Variants in CIT observed in about 807,000 individuals in gnomAD.
The protein encoded by CIT is citron Rho-interacting kinase.
Under a neutral mutation model 272.7 loss-of-function variants are expected in CIT, and 79 were observed. That is an observed-to-expected ratio of 0.29 (90% confidence interval 0.24 to 0.35). The LOEUF is 0.35. Among genes scored for constraint, CIT ranks in the 10% least tolerant of loss-of-function variants. CIT has a pLI of 1.00. For missense variants in CIT, 1,909 were observed against 2,618.3 expected (o/e 0.73, Z 5.91); for synonymous variants, 948 against 995.6 (o/e 0.95, Z 0.90).
intron 2 of CIT, among the ~76,000 whole-genome samples, chr12:119,872,433 A>G (rs144340493): frequency 1.3e-5 from 2 of 152,204 alleles, no homozygotes; most frequent in South Asian, 2.1e-4. Context: ...CTGTATCTCA[A>G]CCTCATTCAA....
chr12:119,767,624 C>T (rs1239130217), intron 18 of CIT, among the ~76,000 whole-genome samples: 3 of 152,082 alleles, frequency 2.0e-5, no homozygotes, highest in Non-Finnish European at 4.4e-5. Context: ...AGAATTATTG[C>T]TCAAGAACCC....
Position 119,758,671 on chromosome 12 carries a change from T to A in CIT, c.2451A>T (p.Arg817Ser). 1 of 1,613,436 alleles carries A rather than the reference T, an allele frequency of 6.2e-7. No homozygotes were observed. Among genetic ancestry groups the A allele is most frequent in the Non-Finnish European group, 8.5e-7 (1 of 1,179,362 alleles). The stretch of plus-strand genomic sequence containing the variant: ...GTTCCACAATCCTCTGTTCCAGGGA[T>A]CTGATCTTGGAATCCATAGCATTGA... Reference protein sequence around the residue: ...AMINAMDSKIRSLEQRIVELS... With the variant: ...AMINAMDSKISSLEQRIVELS... The change falls in exon 21 of 48, where the codon AGA becomes AGT. Residue 817 changes from arginine to serine, a missense_variant. By Grantham distance (110) the Arg-to-Ser change is moderately radical (BLOSUM62 -1). This residue lies in a region of CIT where 530 missense variants were observed against 822.4 expected (regional missense o/e 0.64). Coordinates refer to ENST00000392521, the MANE Select transcript of CIT (RefSeq NM_001206999.2).
At chr12:119,780,478 G>T (rs1482593362) in intron 13 of CIT, among the ~76,000 whole-genome samples, 1 of 152,038 alleles carries the variant, frequency 6.6e-6, no homozygotes, top group African/African-American at 2.4e-5. Context: ...TTAGCTGGGT[G>T]TGGCGGCGTG....
chr12:119,741,876 A>G (rs952841045), intron 24 of CIT, among the ~76,000 whole-genome samples: 7 of 152,204 alleles, frequency 4.6e-5, no homozygotes, highest in African/African-American at 1.7e-4. Context: ...TTCTCTCAAT[A>G]TAAATAACAT....
rs117536904 is a variant in CIT at position 119,842,104 on chromosome 12, A to G, written c.517-7876T>C. Among the ~76,000 whole-genome samples the G allele has an allele frequency of 3.1e-3, 466 of 152,106 alleles. 2 individuals carry two copies. Among genetic ancestry groups the G allele is most frequent in the South Asian group, 0.012 (57 of 4,812 alleles). ...CAGCACAAATAATTTAGACAAAACAATACTGGCAGGGCACAGTGACTCACG... is the reference window on the plus strand; with the variant it reads ...CAGCACAAATAATTTAGACAAAACAGTACTGGCAGGGCACAGTGACTCACG... On this transcript the variant is annotated intron_variant, in intron 5 of 47. Coordinates refer to ENST00000392521, the MANE Select transcript of CIT (RefSeq NM_001206999.2).
chr12:119,800,728 C>G (rs1478296583), intron 10 of CIT, among the ~76,000 whole-genome samples: 1 of 152,230 alleles, frequency 6.6e-6, no homozygotes, highest in Non-Finnish European at 1.5e-5. Flanking sequence ...GGAAGAAACA[C>G]AGGGTCGCTG....
intron 5 of CIT, among the ~76,000 whole-genome samples, chr12:119,845,652 CAAAA>C (rs34059849): frequency 1.7e-5 from 1 of 58,906 alleles, no homozygotes; most frequent in Non-Finnish European, 3.6e-5. Context: ...GACTCTGTCT[CAAAA>C]AAAAAAAAAA....
chr12:119,760,378 G>C (rs915098850), intron 20 of CIT, among the ~76,000 whole-genome samples: 1 of 151,684 alleles, frequency 6.6e-6, no homozygotes, highest in Non-Finnish European at 1.5e-5. Context: ...TGTAATCCCA[G>C]CACTTTGAGA....
At position 119,694,528 on chromosome 12, in the gene CIT, G is replaced by A. The variant is rs759069537; in HGVS notation, c.5882+3131C>T. Among the ~76,000 whole-genome samples, 1 of 152,192 alleles carries A rather than the reference G, an allele frequency of 6.6e-6. No homozygotes were observed. The highest frequency in any genetic ancestry group is 1.5e-5 in the Non-Finnish European group (1 of 68,038). ...TGTATTAAAAAGGAGGGGTGGTTGCGTGTAGTGGCTCACACCTGTAATCCC... is the reference window on the plus strand; with the variant it reads ...TGTATTAAAAAGGAGGGGTGGTTGCATGTAGTGGCTCACACCTGTAATCCC... On this transcript the variant is annotated intron_variant, in intron 46 of 47. Coordinates refer to ENST00000392521, the MANE Select transcript of CIT (RefSeq NM_001206999.2). This position sits in a 1 kb window ranked among gnomAD's most constrained non-coding sequence, Gnocchi z 4.5.
intron 4 of CIT, among the ~76,000 whole-genome samples, chr12:119,852,675 TG>T (rs1309213062): frequency 6.6e-6 from 1 of 151,538 alleles, no homozygotes; most frequent in East Asian, 1.9e-4. Context: ...CACTCTAGCC[TG>T]GGTGACAGAG....
At chr12:119,867,781 C>A (rs1478305014) in intron 3 of CIT, among the ~76,000 whole-genome samples, 1 of 151,934 alleles carries the variant, frequency 6.6e-6, no homozygotes, top group African/African-American at 2.4e-5. Flanking sequence ...GAGTATGAAA[C>A]TGGGACACTA....
chr12:119,803,283 G>A lies in CIT; in HGVS notation c.1218C>T (p.Pro406=). The part of the protein sequence containing the change: ...WVSSSPCQLS[P]SGFSGEELPF... ...GCAGTTCTTCACCCGAGAAGCCTGA[G>A]GGGCTCAGCTGGCACGGAGAGGATG... The change falls in exon 10 of 48, where the codon CCC becomes CCT. Residue 406 remains proline, a synonymous_variant. Transcript: ENST00000392521. The A allele has an allele frequency of 1.2e-5, 20 of 1,610,604 alleles. No homozygotes were observed. The highest frequency in any genetic ancestry group is 1.7e-5 in the Non-Finnish European group (20 of 1,178,478).
chr12:119,825,796 A>G (rs997165776), intron 7 of CIT, among the ~76,000 whole-genome samples: 2 of 152,226 alleles, frequency 1.3e-5, no homozygotes, highest in African/African-American at 4.8e-5. Context: ...GGCCAGGTGC[A>G]GTGGCCCATG....
intron 9 of CIT, among the ~76,000 whole-genome samples, chr12:119,812,499 G>A (rs1001915096): frequency 1.3e-5 from 2 of 151,838 alleles, no homozygotes; most frequent in Non-Finnish European, 2.9e-5. Flanking sequence ...GAGTGCAGGG[G>A]TGCAATCATA....
At chr12:119,730,113 A>C (rs976933971) in intron 27 of CIT, among the ~76,000 whole-genome samples, 1 of 152,188 alleles carries the variant, frequency 6.6e-6, no homozygotes, top group East Asian at 1.9e-4. Context: ...TACTGCAGCA[A>C]TTGGATGAGC....
chr12:119,873,755 T>A (rs752188781), intron 2 of CIT, among the ~76,000 whole-genome samples: 1 of 140,722 alleles, frequency 7.1e-6, no homozygotes, highest in Non-Finnish European at 1.5e-5. Context: ...TCTCATCTGT[T>A]TAAACACCCA....
At chr12:119,724,215 T>G (rs1957963794) in intron 28 of CIT, among the ~76,000 whole-genome samples, 2 of 152,116 alleles carry the variant, frequency 1.3e-5, no homozygotes, top group African/African-American at 4.8e-5. Flanking sequence ...ACTAGTTATC[T>G]CCCAGGAACA....
At chr12:119,854,222 T>A (rs547997297) in intron 4 of CIT, among the ~76,000 whole-genome samples, 63 of 151,658 alleles carry the variant, frequency 4.2e-4, no homozygotes, top group Middle Eastern at 3.4e-3. Context: ...GAGACAGGGT[T>A]TCTCCATGTT....
intron 10 of CIT, among the ~76,000 whole-genome samples, chr12:119,802,055 G>A (rs1278350435): frequency 6.6e-6 from 1 of 152,094 alleles, no homozygotes; most frequent in Non-Finnish European, 1.5e-5. Context: ...CACCCATAGG[G>A]AGACACCATC....
Sources: allele counts gnomAD v4.1 joint callset (sites outside exome capture counted in the v4.1 genomes callset), GRCh38; gene constraint gnomAD v4.1.1; regional missense constraint gnomAD v4.1.1; non-coding constraint Gnocchi (gnomAD v3.1); transcripts MANE v1.5; gene names NCBI Gene and HGNC (gene_info 2026-07-23, HGNC 2026-07-21).